Variants in MAGI2 observed in about 807,000 individuals in gnomAD.
The protein encoded by MAGI2 is membrane associated guanylate kinase, WW and PDZ domain containing 2.
A neutral mutation model predicts 133.3 loss-of-function variants in MAGI2; 35 were observed. That is an observed-to-expected ratio of 0.26 (90% CI 0.20 to 0.35). MAGI2 has a LOEUF of 0.35. MAGI2 is among the 10% of genes least tolerant of loss of function. The probability of loss-of-function intolerance (pLI) is 1.00; values close to 1 mark genes in which losing one functional copy is unlikely to be tolerated. For missense variants in MAGI2, 1,636 were observed against 1,863.4 expected (o/e 0.88, Z 2.25); for synonymous variants, 729 against 710.6 (o/e 1.03, Z -0.41).
chr7:79,192,194 G>A (rs577878914), intron 1 of MAGI2, among the ~76,000 whole-genome samples: 11 of 151,520 alleles, frequency 7.3e-5, no homozygotes, highest in Admixed American at 1.3e-4. Flanking sequence ...ACCATTTGAC[G>A]TACTTTACCT....
intron 1 of MAGI2, among the ~76,000 whole-genome samples, chr7:79,326,668 T>A (rs1312023882): frequency 1.3e-5 from 2 of 151,950 alleles, no homozygotes; most frequent in African/African-American, 4.8e-5. Flanking sequence ...ACATTTTTTT[T>A]TTTTTCAGAT....
intron 1 of MAGI2, among the ~76,000 whole-genome samples, chr7:79,078,346 G>A (rs917058429): frequency 6.6e-6 from 1 of 151,878 alleles, no homozygotes. Flanking sequence ...TAGTGAGTTA[G>A]GAAGAAAAAA....
chr7:79,290,598 C>A (rs145112937), intron 1 of MAGI2, among the ~76,000 whole-genome samples: 27 of 151,952 alleles, frequency 1.8e-4, no homozygotes, highest in Non-Finnish European at 3.2e-4. Context: ...TGAATGATGT[C>A]ATCATCTACA....
intron 1 of MAGI2, among the ~76,000 whole-genome samples, chr7:79,171,763 TATA>T (rs1269849693): frequency 1.3e-4 from 6 of 47,394 alleles, no homozygotes; most frequent in East Asian, 5.5e-4. Context: ...TATATATATA[TATA>T]TATATTTTTT....
At chr7:78,385,863 T>C in intron 6 of MAGI2, among the ~76,000 whole-genome samples, 1 of 152,218 alleles carries the variant, frequency 6.6e-6, no homozygotes, top group East Asian at 1.9e-4. Flanking sequence ...ACAAAGTATC[T>C]ATTAACACAC....
intron 6 of MAGI2, among the ~76,000 whole-genome samples, chr7:78,384,000 T>C (rs1183633618): frequency 6.6e-6 from 1 of 152,166 alleles, no homozygotes; most frequent in Admixed American, 6.6e-5. Flanking sequence ...ACCATACCCT[T>C]GTAATATATT....
At chr7:79,279,111 A>G (rs1306609709) in intron 1 of MAGI2, among the ~76,000 whole-genome samples, 1 of 152,106 alleles carries the variant, frequency 6.6e-6, no homozygotes, top group Non-Finnish European at 1.5e-5. Flanking sequence ...TCTCCTCTGG[A>G]AAGTGTGTGC....
chr7:78,213,793 T>C (rs1201977879), intron 10 of MAGI2, among the ~76,000 whole-genome samples: 1 of 152,254 alleles, frequency 6.6e-6, no homozygotes, highest in African/African-American at 2.4e-5. Context: ...GAACCTATTC[T>C]GGTTTGAGGG....
At chr7:78,399,145 T>C (rs1796620580) in intron 6 of MAGI2, among the ~76,000 whole-genome samples, 2 of 152,154 alleles carry the variant, frequency 1.3e-5, no homozygotes, top group South Asian at 4.1e-4. Context: ...GTGCAGAATA[T>C]GAACATTTAG....
chr7:79,140,747 A>T (rs1044528383), intron 1 of MAGI2, among the ~76,000 whole-genome samples: 1 of 152,110 alleles, frequency 6.6e-6, no homozygotes, highest in South Asian at 2.1e-4. Flanking sequence ...TATGGCTTTG[A>T]TCTATTTGGT....
At chr7:78,906,654 TTC>T (rs1798011816) in intron 2 of MAGI2, among the ~76,000 whole-genome samples, 1 of 152,214 alleles carries the variant, frequency 6.6e-6, no homozygotes, top group Non-Finnish European at 1.5e-5. Flanking sequence ...AATTTGATAA[TTC>T]TCTTTTATAA....
intron 2 of MAGI2, among the ~76,000 whole-genome samples, chr7:78,912,720 T>C (rs1798491676): frequency 6.8e-6 from 1 of 147,128 alleles, no homozygotes; most frequent in Non-Finnish European, 1.5e-5. Flanking sequence ...CCCCTTTATA[T>C]ATATATATCA....
chr7:79,168,929 T>C (rs1165794294), intron 1 of MAGI2, among the ~76,000 whole-genome samples: 1 of 145,286 alleles, frequency 6.9e-6, no homozygotes, highest in East Asian at 2.0e-4. Flanking sequence ...TATATATATA[T>C]ATATAAATTT....
Position 79,030,834 on chromosome 7 carries a change from G to A in MAGI2, c.302-23628C>T, listed in dbSNP as rs555543103. Among the ~76,000 whole-genome samples the A allele has an allele frequency of 6.6e-5, 10 of 152,178 alleles. No homozygotes were observed. In the East Asian group the frequency reaches 9.7e-4, roughly 15 times the overall value. On this transcript the variant is annotated intron_variant, in intron 1 of 21. Coordinates refer to ENST00000354212, the MANE Select transcript of MAGI2 (RefSeq NM_012301.4). ...CATGCTTTTCAATTCAAATGACTTG[G>A]ATTATTTATATACAGCACTGAAGGA...
chr7:79,246,139 A>G (rs188265396), intron 1 of MAGI2, among the ~76,000 whole-genome samples: 73 of 152,334 alleles, frequency 4.8e-4, no homozygotes, highest in Non-Finnish European at 6.9e-4. Context: ...CATAACACAC[A>G]TAGCCCTTCA....
At position 78,220,038 on chromosome 7, in the gene MAGI2, C is replaced by G. The variant is rs192465376; in HGVS notation, c.2048-18845G>C. On this transcript the variant is annotated intron_variant, in intron 10 of 21. Transcript: ENST00000354212. ...TTTGCTGCAGAATGGAGTCCAAACTCCTTATTATACAACCTACTCCATGAC... is the reference window on the plus strand; with the variant it reads ...TTTGCTGCAGAATGGAGTCCAAACTGCTTATTATACAACCTACTCCATGAC... Among the ~76,000 whole-genome samples the G allele has an allele frequency of 2.9e-3, 440 of 152,250 alleles. 4 individuals are homozygous for G. The highest frequency in any genetic ancestry group is 1.0e-2 in the African/African-American group (415 of 41,536).
chr7:78,271,215 A>T (rs1302840815), intron 9 of MAGI2, among the ~76,000 whole-genome samples: 1 of 152,176 alleles, frequency 6.6e-6, no homozygotes, highest in Non-Finnish European at 1.5e-5. Flanking sequence ...TTCTGCATCT[A>T]TTGAGATAAT....
At chr7:78,982,576 C>T (rs1324873133) in intron 2 of MAGI2, among the ~76,000 whole-genome samples, 1 of 151,826 alleles carries the variant, frequency 6.6e-6, no homozygotes, top group African/African-American at 2.4e-5. Context: ...CTTAAACCCT[C>T]CTTTTGACAT....
chr7:78,635,492 G>A (rs555433301), intron 2 of MAGI2, among the ~76,000 whole-genome samples: 1 of 152,282 alleles, frequency 6.6e-6, no homozygotes, highest in African/African-American at 2.4e-5. Context: ...AGTGCTTGCC[G>A]CATGGCAGGT....
Sources: allele counts gnomAD v4.1 joint callset (sites outside exome capture counted in the v4.1 genomes callset), GRCh38; gene constraint gnomAD v4.1.1; transcripts MANE v1.5; gene names NCBI Gene and HGNC (gene_info 2026-07-23, HGNC 2026-07-21).